TVP23A: variants seen among roughly 807,000 people sequenced by gnomAD.
The protein encoded by TVP23A is trans-golgi network vesicle protein 23 homolog A.
Under a neutral mutation model 31.7 loss-of-function variants are expected in TVP23A, and 21 were observed. The ratio of observed to expected loss-of-function variants is 0.66; its 90% confidence interval spans 0.47 to 0.95. The LOEUF (loss-of-function observed/expected upper bound fraction) is 0.95, where lower values mean the gene tolerates loss of function less well. TVP23A is among the 40% of genes least tolerant of loss of function. The pLI is 0.00. For missense variants in TVP23A, 279 were observed against 255.6 expected (o/e 1.09, Z -0.62); for synonymous variants, 104 against 96.0 (o/e 1.08, Z -0.49).
chr16:10,805,684 C>T (rs535545862), intron 2 of TVP23A, among the ~76,000 whole-genome samples: 1 of 151,536 alleles, frequency 6.6e-6, no homozygotes, highest in South Asian at 2.1e-4. Context: ...CCGCTTTACT[C>T]TCTCAAGTTA....
chr16:10,762,567 G>A (rs1003514796), downstream of TVP23A, among the ~76,000 whole-genome samples: 4 of 152,128 alleles, frequency 2.6e-5, no homozygotes, highest in Non-Finnish European at 4.4e-5. Flanking sequence ...GCGGGCCTCC[G>A]TTACTGGGGC....
chr16:10,771,703 T>C lies in TVP23A; in HGVS notation c.549A>G (p.Thr183=). The stretch of plus-strand genomic sequence containing the variant: ...ACACTGTCTGGGACAGGAAACTGGC[T>C]GTGACCTTGCCAATGTCACTGTTGC... ...MGGNSDIGKV[T]ASFLSQTVFQ... is the part of the protein sequence containing the mutation. The change falls in exon 6 of 8, where the codon ACA becomes ACG. Residue 183 remains threonine (T), a synonymous_variant. Transcript: ENST00000299866. 1.2e-6 allele frequency: 2 copies of C among 1,613,736 alleles called. No homozygotes were observed. Among genetic ancestry groups the C allele is most frequent in the South Asian group, 1.1e-5 (1 of 90,914 alleles).
In TVP23A at chr16:10,818,675, C is replaced by T. The variant is rs2034555797; in HGVS notation, c.-182G>A. On this transcript the variant is annotated 5_prime_UTR_variant, in exon 1 of 8. Transcript: ENST00000299866. This position sits in a 1 kb window ranked among gnomAD's most constrained non-coding sequence, Gnocchi z 4.7. ...CTCGGGTGGGGCGGGGCGCTCGGGG[C>T]CTAAGGCGCAGTCGCAGGCTGGGGA... 1 of 666,162 alleles carries T rather than the reference C, an allele frequency of 1.5e-6. No homozygotes were observed. The highest frequency in any genetic ancestry group is 2.3e-6 in the Non-Finnish European group (1 of 433,438). 41.3% of individuals were successfully genotyped at this position (666,162 alleles called of 1,614,324 possible). A position where few individuals can be genotyped will look rare whatever the true frequency, so the allele number is the denominator to read the frequency against.
At chr16:10,770,108 C>T (rs1402080818) in intron 7 of TVP23A, among the ~76,000 whole-genome samples, 164 bp downstream of exon 7, 4 of 152,266 alleles carry the variant, frequency 2.6e-5, no homozygotes, top group African/African-American at 7.2e-5. Context: ...GGCTGCAAAG[C>T]CCAGGGCAGG....
chr16:10,773,300 G>A lies in TVP23A; in HGVS notation c.453+13C>T. ...GACATCAAAGCAATGTGGAAGTCAA[G>A]ATCTGGCCTTACCAGCCACTTTAGC... On this transcript the variant is annotated intron_variant, in intron 5 of 7. Coordinates refer to ENST00000299866, the MANE Select transcript of TVP23A (RefSeq NM_001079512.4). 6.3e-7 allele frequency: 1 copy of A among 1,595,434 alleles called. No homozygotes were observed. The highest frequency in any genetic ancestry group is 8.5e-7 in the Non-Finnish European group (1 of 1,174,326).
chr16:10,801,222 T>G (rs1020809614), intron 2 of TVP23A, among the ~76,000 whole-genome samples: 3 of 152,100 alleles, frequency 2.0e-5, no homozygotes, highest in African/African-American at 7.2e-5. Flanking sequence ...TAGGCCATCT[T>G]TAGTAGTGGC....
intron 2 of TVP23A, among the ~76,000 whole-genome samples, chr16:10,806,146 C>G (rs1032577290): frequency 2.0e-5 from 3 of 152,132 alleles, no homozygotes; most frequent in Non-Finnish European, 4.4e-5. Flanking sequence ...AGTTTGAGAC[C>G]AGCCTGGCCA....
intron 2 of TVP23A, among the ~76,000 whole-genome samples, chr16:10,811,834 G>A (rs372351661): frequency 6.7e-6 from 1 of 149,626 alleles, no homozygotes; most frequent in East Asian, 2.0e-4. Context: ...AACCCGGGAA[G>A]TGGAGCTTGC....
intron 7 of TVP23A, 29 bp from the exon 8 acceptor site, chr16:10,769,130 C>G: frequency 6.2e-7 from 1 of 1,611,512 alleles, no homozygotes. Context: ...CAGGACCAAG[C>G]AGTTACCGAG....
intron 5 of TVP23A, among the ~76,000 whole-genome samples, chr16:10,772,315 G>A (rs940661173): frequency 2.0e-5 from 3 of 152,090 alleles, no homozygotes; most frequent in Non-Finnish European, 4.4e-5. Context: ...TCCAGGGCCC[G>A]CACTTTCATT....
chr16:10,810,020 G>C (rs2034121781), intron 2 of TVP23A, among the ~76,000 whole-genome samples: 1 of 152,176 alleles, frequency 6.6e-6, no homozygotes, highest in Non-Finnish European at 1.5e-5. Context: ...ACAGAATGTG[G>C]TATGTCCACA....
intron 2 of TVP23A, chr16:10,775,620 C>T (rs1234579641): frequency 2.3e-6 from 2 of 858,946 alleles, no homozygotes; most frequent in South Asian, 5.3e-5. Flanking sequence ...GTGAATGGCA[C>T]GTGAATCCTG....
rs61036988 is a variant in TVP23A at position 10,802,241 on chromosome 16, CGTGTGTGTGTGTGTGTGTGTGT to C, written c.89+15840_89+15861del. 1.1e-4 allele frequency among the ~76,000 whole-genome samples: 14 copies of C among 130,488 alleles called. No homozygotes were observed. The East Asian group carries it at 2.4e-3, about 22-fold the overall frequency. 85.6% of individuals were successfully genotyped at this position (130,488 alleles called of 152,430 possible). On this transcript the variant is annotated intron_variant, in intron 2 of 7. Transcript: ENST00000299866. ...TCTGCATCCATGAGTTTATATGATACGTGTGTGTGTGTGTGTGTGTGTGTGTGTGTGTGTGTGTGTGTGTATA... is the reference window on the plus strand; with the variant it reads ...TCTGCATCCATGAGTTTATATGATACGTGTGTGTGTGTGTGTGTGTGTATA...
Position 10,818,700 on chromosome 16 carries a change from A to AG in TVP23A, c.-208dup, listed in dbSNP as rs1419402293. 2 of 530,926 alleles carry AG rather than the reference A, an allele frequency of 3.8e-6. No individual in the cohort carries two copies. Among genetic ancestry groups the AG allele is most frequent in the African/African-American group, 2.1e-5 (1 of 47,886 alleles). 32.9% of individuals were successfully genotyped at this position (530,926 alleles called of 1,614,324 possible). A position where few individuals can be genotyped will look rare whatever the true frequency, so the allele number is the denominator to read the frequency against. On this transcript the variant is annotated 5_prime_UTR_variant, in exon 1 of 8. Transcript: ENST00000299866. This position sits in a 1 kb window ranked among gnomAD's most constrained non-coding sequence, Gnocchi z 4.7. ...CCTAAGGCGCAGTCGCAGGCTGGGG[A>AG]GGGGGCTCGGCTCGCCGGGGACGCG...
chr16:10,804,631 A>T (rs2033858335), intron 2 of TVP23A, among the ~76,000 whole-genome samples: 1 of 152,200 alleles, frequency 6.6e-6, no homozygotes, highest in African/African-American at 2.4e-5. Context: ...CTGCAGTCCC[A>T]GCTACTCAGG....
At chr16:10,773,970 A>G in intron 4 of TVP23A, 69 bp downstream of exon 4, 2 of 1,265,592 alleles carry the variant, frequency 1.6e-6, no homozygotes, top group Non-Finnish European at 2.2e-6. Flanking sequence ...AAAACTCCAA[A>G]GGAACCCACA....
chr16:10,775,497 C>A, intron 2 of TVP23A: 1 of 1,056,380 alleles, frequency 9.5e-7, no homozygotes. Flanking sequence ...GCTCCAAGCT[C>A]ACACGCAGCC....
At chr16:10,786,834 G>A (rs1596526912) in intron 2 of TVP23A, among the ~76,000 whole-genome samples, 1 of 152,006 alleles carries the variant, frequency 6.6e-6, no homozygotes. Context: ...AAAGAAATCG[G>A]CAGAAGCAGC....
At chr16:10,780,622 C>T (rs1016367782) in intron 2 of TVP23A, among the ~76,000 whole-genome samples, 1 of 152,178 alleles carries the variant, frequency 6.6e-6, no homozygotes, top group East Asian at 1.9e-4. Context: ...CTCTGAGTAG[C>T]TCTGTGGTCT....
Sources: gnomAD v4.1 joint callset for allele counts (sites outside exome capture counted in the v4.1 genomes callset) on GRCh38, gnomAD v4.1.1 for gene constraint, Gnocchi (gnomAD v3.1) non-coding constraint, MANE v1.5 for transcripts, NCBI Gene and HGNC (gene_info 2026-07-23, HGNC 2026-07-21) for gene names.